Variants in SEC63 observed in about 807,000 individuals in gnomAD.
SEC63 encodes the protein translocation protein SEC63 homolog.
A neutral mutation model predicts 116.2 loss-of-function variants in SEC63; 56 were observed. The observed-to-expected ratio is 0.48, with a 90% CI of 0.39 to 0.60. The LOEUF (loss-of-function observed/expected upper bound fraction) is 0.60. Among genes scored for constraint, SEC63 ranks in the 20% least tolerant of loss-of-function variants. The probability of loss-of-function intolerance (pLI) is 0.00; values close to 1 mark genes in which losing one functional copy is unlikely to be tolerated. For synonymous variants in SEC63, 273 were observed against 294.6 expected (o/e 0.93, Z 0.75); for missense variants, 668 against 900.0 (o/e 0.74, Z 3.30).
Position 107,952,665 on chromosome 6 carries a change from G to T in SEC63, c.124+5221C>A, listed in dbSNP as rs1400937508. Among the ~76,000 whole-genome samples, 3 of 152,228 alleles carry T rather than the reference G, an allele frequency of 2.0e-5. No homozygotes were observed. The East Asian group carries it at 5.8e-4, about 29-fold the overall frequency. ...ACCAGCTACTTGGGAGGCCGAGGTG[G>T]GAGAACTGCTTGAATCTGGGAGGTG... On this transcript the variant is annotated intron_variant, in intron 1 of 20. Coordinates refer to ENST00000369002, the MANE Select transcript of SEC63 (RefSeq NM_007214.5).
At position 107,901,499 on chromosome 6, in the gene SEC63, G is replaced by T; in HGVS notation, c.1228C>A (p.Gln410Lys). Residue 410 changes from glutamine (Q) to lysine (K), a missense_variant, in exon 13 of 21, where the codon CAG becomes AAG. Physicochemically the swap from Gln to Lys is moderately conservative, Grantham distance 53. Transcript: ENST00000369002. ...NHKKYKIKTI[Q>K]DLVSLKESDR... ...GATTCTTTTAAACTCACCAAATCCT[G>T]GATAGTTTTAATTTTATACTGAATA... The T allele has an allele frequency of 6.3e-7, 1 of 1,592,380 alleles. No individual in the cohort carries two copies. Among genetic ancestry groups the T allele is most frequent in the Non-Finnish European group, 8.6e-7 (1 of 1,162,014 alleles).
At chr6:107,924,144 G>A (rs1001048748) in intron 3 of SEC63, among the ~76,000 whole-genome samples, 19 of 150,032 alleles carry the variant, frequency 1.3e-4, no homozygotes, top group Non-Finnish European at 2.4e-4. Context: ...GGTGCCTGTA[G>A]TCCCAGCTAC....
At chr6:107,875,533 C>CA (rs1318184594) in intron 19 of SEC63, among the ~76,000 whole-genome samples, 5 of 151,896 alleles carry the variant, frequency 3.3e-5, no homozygotes, top group African/African-American at 9.7e-5. Context: ...CCTGTCTCTA[C>CA]AAAAAATACA....
chr6:107,939,509 T>G (rs1583772955), intron 1 of SEC63, among the ~76,000 whole-genome samples: 2 of 152,172 alleles, frequency 1.3e-5, no homozygotes, highest in Admixed American at 6.5e-5. Context: ...CCCAGCACTT[T>G]GGGAGGCCGA....
rs551244693 is a variant in SEC63, at chr6:107,871,512, A to G, written c.*192T>C. 35 of 638,368 alleles carry G rather than the reference A, an allele frequency of 5.5e-5. No homozygotes were observed. The highest frequency in any genetic ancestry group is 5.5e-4 in the South Asian group (31 of 56,632). 39.5% of individuals were successfully genotyped at this position (638,368 alleles called of 1,614,324 possible). ...ACCATCCCCTACTTGAAAGGTTTCA[A>G]TAAGCCTTAACATTTTTCAGGTTGT... On this transcript the variant is annotated 3_prime_UTR_variant, in exon 21 of 21. Transcript: ENST00000369002.
intron 16 of SEC63, among the ~76,000 whole-genome samples, chr6:107,889,522 C>A (rs1246390232): frequency 6.6e-6 from 1 of 151,748 alleles, no homozygotes; most frequent in East Asian, 1.9e-4. Flanking sequence ...ATTTTGTTAT[C>A]TTTTCAAAAA....
intron 4 of SEC63, among the ~76,000 whole-genome samples, chr6:107,915,308 T>C (rs546580748): frequency 6.6e-6 from 1 of 152,154 alleles, no homozygotes; most frequent in East Asian, 1.9e-4. Context: ...CTGGGAAAAA[T>C]GCACATTACA....
At chr6:107,954,457 GATCA>G (rs1391713939) in intron 1 of SEC63, 3 of 67,092 alleles carry the variant, frequency 4.5e-5, no homozygotes, top group Non-Finnish European at 8.2e-5. Context: ...ACCCAAGAAT[GATCA>G]ATTAAAAAAA....
chr6:107,893,464 CGAT>C lies in SEC63; in HGVS notation c.1674+15_1674+17del. 1 of 1,606,228 alleles carries C rather than the reference CGAT, an allele frequency of 6.2e-7. No homozygotes were observed. Among genetic ancestry groups the C allele is most frequent in the South Asian group, 1.1e-5 (1 of 90,728 alleles). The stretch of plus-strand genomic sequence containing the variant: ...TATTTTAGCTTAATAATGATAATAA[CGAT>C]AATAATAAACTTACATTCCCAACGA... On this transcript the variant is annotated intron_variant, in intron 16 of 20. Coordinates refer to ENST00000369002, the MANE Select transcript of SEC63 (RefSeq NM_007214.5).
chr6:107,884,250 CAAAA>C (rs35806948), intron 16 of SEC63, among the ~76,000 whole-genome samples: 10 of 111,906 alleles, frequency 8.9e-5, no homozygotes, highest in Non-Finnish European at 1.2e-4. Context: ...GACTCTGTCT[CAAAA>C]AAAAAAAAAA....
intron 1 of SEC63, among the ~76,000 whole-genome samples, chr6:107,940,352 T>G (rs1333493716): frequency 6.6e-6 from 1 of 152,180 alleles, no homozygotes; most frequent in Admixed American, 6.5e-5. Flanking sequence ...CATACAATTA[T>G]ATCATATATT....
At chr6:107,880,322 A>G (rs545361473) in intron 18 of SEC63, among the ~76,000 whole-genome samples, 67 of 152,336 alleles carry the variant, frequency 4.4e-4, no homozygotes, top group African/African-American at 1.5e-3. Context: ...TCACCTGCCA[A>G]ACACAAGTGG....
chr6:107,881,112 A>G, intron 18 of SEC63, 37 bp downstream of exon 18: 2 of 1,393,062 alleles, frequency 1.4e-6, no homozygotes, highest in Non-Finnish European at 2.0e-6. Context: ...GAGAAAGTGA[A>G]TGGAATAAGG....
intron 1 of SEC63, among the ~76,000 whole-genome samples, chr6:107,937,713 G>T (rs1320067378): frequency 6.6e-6 from 1 of 151,858 alleles, no homozygotes; most frequent in Admixed American, 6.6e-5. Flanking sequence ...TCTGTTTTTT[G>T]ACTTTTTTAT....
At chr6:107,957,224 G>A (rs1770727719) in intron 1 of SEC63, 1 of 152,144 alleles carries the variant, frequency 6.6e-6, no homozygotes, top group Non-Finnish European at 1.5e-5. Context: ...CTTCATACTT[G>A]CACTTTTTCC....
intron 16 of SEC63, among the ~76,000 whole-genome samples, chr6:107,890,255 T>A (rs1180186122): frequency 6.6e-6 from 1 of 152,204 alleles, no homozygotes; most frequent in Non-Finnish European, 1.5e-5. Flanking sequence ...GGTACTCCTG[T>A]ATTGGGTGCA....
chr6:107,939,984 C>G (rs1770339661), intron 1 of SEC63, among the ~76,000 whole-genome samples: 2 of 152,080 alleles, frequency 1.3e-5, no homozygotes, highest in African/African-American at 2.4e-5. Flanking sequence ...AAGGCCAGTT[C>G]AGAACTATTT....
At chr6:107,941,149 G>A (rs10484909) in intron 1 of SEC63, among the ~76,000 whole-genome samples, 1 of 152,086 alleles carries the variant, frequency 6.6e-6, no homozygotes. Context: ...AGCTGAAAGG[G>A]CCTCTGGAGA....
intron 1 of SEC63, 36 bp downstream of exon 1, chr6:107,957,850 T>A: frequency 6.3e-7 from 1 of 1,587,486 alleles, no homozygotes; most frequent in Non-Finnish European, 8.6e-7. Flanking sequence ...TGGCGGGGCC[T>A]GCGCGGGTTC....
Sources: allele counts gnomAD v4.1 joint callset (sites outside exome capture counted in the v4.1 genomes callset), GRCh38; gene constraint gnomAD v4.1.1; transcripts MANE v1.5; gene names NCBI Gene and HGNC (gene_info 2026-07-23, HGNC 2026-07-21).